The following FREM1 variants were observed in gnomAD, a reference collection of about 807,000 sequenced individuals.
The protein encoded by FREM1 is FRAS1-related extracellular matrix protein 1.
Under a neutral mutation model 210.1 loss-of-function variants are expected in FREM1, and 220 were observed. The ratio of observed to expected loss-of-function variants is 1.05; its 90% CI spans 0.94 to 1.17. FREM1 has a LOEUF of 1.17. Among genes scored for constraint, FREM1 ranks in the 50% most tolerant of loss-of-function variants. FREM1 has a pLI of 0.00. For synonymous variants in FREM1, 1,189 were observed against 980.2 expected, an observed-to-expected ratio of 1.21 and a Z score of -3.98; for missense variants, 3,454 against 2,675.5, an observed-to-expected ratio of 1.29 and a Z score of -6.42.
intron 20 of FREM1, among the ~76,000 whole-genome samples, chr9:14,798,342 G>C (rs1381582745): frequency 2.0e-5 from 3 of 152,192 alleles, no homozygotes; most frequent in Non-Finnish European, 4.4e-5. Context: ...CAGTACAGTG[G>C]TGAGCGCCTG....
Position 14,737,580 on chromosome 9 carries a change from A to C in FREM1, c.6356T>G (p.Val2119Gly), listed in dbSNP as rs1156738014. ...GATCCACTCCCAGTGGCCAGCATGCACTTGGTCGTTCAAACCTAATGTGAA... is the reference window on the plus strand; with the variant it reads ...GATCCACTCCCAGTGGCCAGCATGCCCTTGGTCGTTCAAACCTAATGTGAA... ...KSFWIGLNDQ[V>G]HAGHWEWIGG... The change falls in exon 37 of 37, where the codon GTG becomes GGG. Residue 2119 changes from valine to glycine, a missense_variant. Transcript: ENST00000380880. 3.2e-6 allele frequency: 5 copies of C among 1,574,040 alleles called. No homozygotes were observed. Among genetic ancestry groups the C allele is most frequent in the Non-Finnish European group, 4.3e-6 (5 of 1,160,914 alleles).
chr9:14,842,099 C>A (rs538590065), intron 9 of FREM1, among the ~76,000 whole-genome samples: 111 of 152,144 alleles, frequency 7.3e-4, no homozygotes, highest in Non-Finnish European at 1.3e-3. Flanking sequence ...CTCTGGAAAT[C>A]TGTAGATGCA....
intron 18 of FREM1, among the ~76,000 whole-genome samples, chr9:14,805,829 T>A (rs1422181301): frequency 6.6e-6 from 1 of 152,228 alleles, no homozygotes; most frequent in Admixed American, 6.5e-5. Context: ...TGTTTTTGTT[T>A]TGGTTGGTCT....
intron 26 of FREM1, among the ~76,000 whole-genome samples, chr9:14,770,252 G>T (rs1280178986): frequency 6.6e-6 from 1 of 151,994 alleles, no homozygotes; most frequent in Non-Finnish European, 1.5e-5. Context: ...TTTAAAAAAA[G>T]ATCTGACATC....
intron 1 of FREM1, among the ~76,000 whole-genome samples, chr9:14,908,144 T>C (rs546559373): frequency 1.3e-5 from 2 of 152,248 alleles, no homozygotes; most frequent in East Asian, 3.9e-4. Flanking sequence ...CGCCAGAAAA[T>C]GCAAGGATGG....
In FREM1 at chr9:14,815,480, G is replaced by C. The variant is rs549309203; in HGVS notation, c.2640+1298C>G. Among the ~76,000 whole-genome samples the C allele has an allele frequency of 2.0e-5, 3 of 152,140 alleles. No individual in the cohort carries two copies. The East Asian group carries it at 5.8e-4, about 29-fold the overall frequency. The stretch of plus-strand genomic sequence containing the variant: ...TTCCAACAGAAAGAAAAATAATCTA[G>C]AACAATGAAAATAATTAGTGGCTCT... On this transcript the variant is annotated intron_variant, in intron 15 of 36. Coordinates refer to ENST00000380880, the MANE Select transcript of FREM1 (RefSeq NM_001379081.2).
At chr9:14,802,589 A>T (rs1021140762) in intron 19 of FREM1, among the ~76,000 whole-genome samples, 1 of 152,216 alleles carries the variant, frequency 6.6e-6, no homozygotes, top group Non-Finnish European at 1.5e-5. Flanking sequence ...TTATCATTTC[A>T]TGTAGTATCT....
chr9:14,776,989 G>A (rs560716926), intron 24 of FREM1, among the ~76,000 whole-genome samples: 2 of 152,332 alleles, frequency 1.3e-5, no homozygotes, highest in East Asian at 3.9e-4. Flanking sequence ...GTTGGTGGGA[G>A]ATCATAAGGG....
chr9:14,760,040 A>G, intron 27 of FREM1, 139 bp from the exon 28 acceptor site: 1 of 537,998 alleles, frequency 1.9e-6, no homozygotes, highest in Non-Finnish European at 3.1e-6. Context: ...TATTTGACAC[A>G]TTTTAGTTCA....
chr9:14,776,595 G>GT (rs1371499476), intron 24 of FREM1, among the ~76,000 whole-genome samples: 2 of 152,022 alleles, frequency 1.3e-5, no homozygotes, highest in Non-Finnish European at 2.9e-5. Context: ...TTTTTCAATT[G>GT]TTTTTTTCTT....
At chr9:14,800,632 T>G (rs142970320) in intron 20 of FREM1, among the ~76,000 whole-genome samples, 6 of 152,308 alleles carry the variant, frequency 3.9e-5, no homozygotes, top group Non-Finnish European at 8.8e-5. Flanking sequence ...AAAAGGATTT[T>G]TTTTACTATA....
intron 36 of FREM1, among the ~76,000 whole-genome samples, chr9:14,738,837 C>G (rs942302275): frequency 1.3e-5 from 2 of 151,712 alleles, no homozygotes; most frequent in African/African-American, 2.4e-5. Flanking sequence ...TGGTGAAACC[C>G]CGTCTCTACT....
At chr9:14,857,889 G>A (rs751823315) in intron 4 of FREM1, 140 bp from the exon 5 acceptor site, 2 of 531,190 alleles carry the variant, frequency 3.8e-6, no homozygotes, top group Non-Finnish European at 3.1e-6. Context: ...CATTCACTGA[G>A]TGGGTTGTCA....
At chr9:14,880,186 C>A (rs1467378182) in intron 1 of FREM1, among the ~76,000 whole-genome samples, 1 of 152,110 alleles carries the variant, frequency 6.6e-6, no homozygotes, top group Non-Finnish European at 1.5e-5. Flanking sequence ...ACCTTCAGAA[C>A]TGTGAGGAAT....
At chr9:14,867,244 G>A (rs190551521) in intron 2 of FREM1, among the ~76,000 whole-genome samples, 2 of 152,128 alleles carry the variant, frequency 1.3e-5, no homozygotes, top group South Asian at 2.1e-4. Flanking sequence ...CTCATCCTAT[G>A]TAGCACATTG....
At chr9:14,850,604 C>G (rs567588207) in intron 6 of FREM1, 4 of 152,120 alleles carry the variant, frequency 2.6e-5, no homozygotes, top group African/African-American at 9.7e-5. Context: ...GAAAAAATAG[C>G]TAATGCATGC....
chr9:14,878,110 T>C (rs762988923), intron 1 of FREM1, among the ~76,000 whole-genome samples: 11 of 152,170 alleles, frequency 7.2e-5, no homozygotes, highest in African/African-American at 2.4e-4. Context: ...TTTGATTAAA[T>C]GTTACTTATA....
chr9:14,882,240 A>G (rs1384863068), intron 1 of FREM1, among the ~76,000 whole-genome samples: 2 of 152,084 alleles, frequency 1.3e-5, no homozygotes, highest in African/African-American at 4.8e-5. Context: ...CTAACAGCAT[A>G]TGGGACAATA....
intron 13 of FREM1, among the ~76,000 whole-genome samples, chr9:14,820,011 C>T (rs1484604363): frequency 6.6e-6 from 1 of 152,146 alleles, no homozygotes; most frequent in Non-Finnish European, 1.5e-5. Context: ...AAACATTAGA[C>T]TTAAATATTA....
Sources: gnomAD v4.1 joint callset for allele counts (sites outside exome capture counted in the v4.1 genomes callset) on GRCh38, gnomAD v4.1.1 for gene constraint, MANE v1.5 for transcripts, NCBI Gene and HGNC (gene_info 2026-07-23, HGNC 2026-07-21) for gene names.